The following LYPLAL1 variants were observed in gnomAD, a reference collection of about 807,000 sequenced individuals.
LYPLAL1 encodes lysophospholipase like 1.
A neutral mutation model predicts 19.7 loss-of-function variants in LYPLAL1; 23 were observed. The observed-to-expected ratio is 1.17, with a 90% CI of 0.84 to 1.65. The LOEUF is 1.65. Among genes scored for constraint, LYPLAL1 ranks in the 40% most tolerant of loss-of-function variants. The pLI, the probability that LYPLAL1 is intolerant of heterozygous loss-of-function variation, is 0.00. For synonymous variants in LYPLAL1, 119 were observed against 96.3 expected, an observed-to-expected ratio of 1.24 and a Z score of -1.38; for missense variants, 355 against 279.4, an observed-to-expected ratio of 1.27 and a Z score of -1.93.
chr1:219,377,540 A>G, the LYPLAL1 span, among the ~76,000 whole-genome samples: 6 of 152,180 alleles, frequency 3.9e-5, no homozygotes, highest in African/African-American at 1.4e-4. Context: ...ATACTTGAAC[A>G]ATTTTTAAAT....
the LYPLAL1 span, among the ~76,000 whole-genome samples, chr1:219,369,522 T>G: frequency 6.6e-6 from 1 of 152,230 alleles, no homozygotes; most frequent in Non-Finnish European, 1.5e-5. Context: ...TCCGCCTGCC[T>G]TAGCGTCCCA....
At chr1:219,382,318 T>C in the LYPLAL1 span, among the ~76,000 whole-genome samples, 1 of 152,154 alleles carries the variant, frequency 6.6e-6, no homozygotes, top group Non-Finnish European at 1.5e-5. Context: ...GAAGAAAAGC[T>C]TTTCCTCATT....
At chr1:219,327,956 A>T in the LYPLAL1 span, among the ~76,000 whole-genome samples, 62,603 of 151,980 alleles carry the variant, frequency 0.41, 13,494 homozygotes, top group East Asian at 0.81. Context: ...TTTATCAGCA[A>T]CATTGAAAAT....
chr1:219,257,153 T>A, the LYPLAL1 span, among the ~76,000 whole-genome samples: 1 of 152,008 alleles, frequency 6.6e-6, no homozygotes, highest in African/African-American at 2.4e-5. Context: ...TGTGTTAAAG[T>A]CTCTGCTATG....
the LYPLAL1 span, among the ~76,000 whole-genome samples, chr1:219,238,304 A>ATTTTTTTTTT: frequency 3.8e-4 from 31 of 81,878 alleles, 1 homozygote; most frequent in African/African-American, 8.4e-4. Context: ...CGCCCGGCTA[A>ATTTTTTTTTT]TTTTTTTTTT....
the LYPLAL1 span, among the ~76,000 whole-genome samples, chr1:219,441,427 G>T: frequency 6.6e-6 from 1 of 152,172 alleles, no homozygotes; most frequent in Non-Finnish European, 1.5e-5. Flanking sequence ...TGTGGAAATG[G>T]ATAGGGGTGC....
At chr1:219,316,079 A>G in the LYPLAL1 span, among the ~76,000 whole-genome samples, 1 of 152,196 alleles carries the variant, frequency 6.6e-6, no homozygotes, top group Non-Finnish European at 1.5e-5. Context: ...ATACGCTTAC[A>G]GGTTTTGATC....
At chr1:219,441,363 T>C in the LYPLAL1 span, among the ~76,000 whole-genome samples, 1 of 152,154 alleles carries the variant, frequency 6.6e-6, no homozygotes, top group African/African-American at 2.4e-5. Flanking sequence ...GAATTAACAT[T>C]TTACAGATGA....
chr1:219,282,128 T>G, the LYPLAL1 span, among the ~76,000 whole-genome samples: 1 of 152,072 alleles, frequency 6.6e-6, no homozygotes, highest in Non-Finnish European at 1.5e-5. Flanking sequence ...AATCATAATG[T>G]CCTCAAAGAT....
At chr1:219,341,878 C>G in the LYPLAL1 span, among the ~76,000 whole-genome samples, 3 of 152,032 alleles carry the variant, frequency 2.0e-5, no homozygotes, top group Non-Finnish European at 4.4e-5. Flanking sequence ...GACAGTTTCT[C>G]AATAAGGAGC....
the LYPLAL1 span, among the ~76,000 whole-genome samples, chr1:219,405,026 C>G: frequency 2.0e-5 from 3 of 152,200 alleles, no homozygotes; most frequent in Non-Finnish European, 4.4e-5. Context: ...TTTTATTAAT[C>G]TGTTAATCAT....
At chr1:219,314,129 C>G in the LYPLAL1 span, among the ~76,000 whole-genome samples, 12 of 152,180 alleles carry the variant, frequency 7.9e-5, no homozygotes, top group Admixed American at 7.2e-4. Flanking sequence ...GCCTCCAGCT[C>G]CAACCATGTT....
chr1:219,274,291 G>T, the LYPLAL1 span, among the ~76,000 whole-genome samples: 1 of 152,120 alleles, frequency 6.6e-6, no homozygotes, highest in African/African-American at 2.4e-5. Flanking sequence ...GTTCATCAGG[G>T]GTTAGAAGGC....
At chr1:219,315,704 A>G in the LYPLAL1 span, among the ~76,000 whole-genome samples, 1 of 152,188 alleles carries the variant, frequency 6.6e-6, no homozygotes, top group Non-Finnish European at 1.5e-5. Context: ...CAGGATATGA[A>G]CTGTTGGGAG....
chr1:219,208,935 A>G (rs1427614884), intron 3 of LYPLAL1, among the ~76,000 whole-genome samples: 1 of 152,128 alleles, frequency 6.6e-6, no homozygotes, highest in East Asian at 1.9e-4. Context: ...TAAATGGGAC[A>G]TGTCAAAGAT....
At chr1:219,408,542 AACTCAGTGGAG>A in the LYPLAL1 span, among the ~76,000 whole-genome samples, 1 of 152,136 alleles carries the variant, frequency 6.6e-6, no homozygotes, top group Non-Finnish European at 1.5e-5. Context: ...GGTAATTAAT[AACTCAGTGGAG>A]TGTTTTATAA....
the LYPLAL1 span, among the ~76,000 whole-genome samples, chr1:219,252,927 T>C: frequency 6.6e-6 from 1 of 152,056 alleles, no homozygotes; most frequent in Non-Finnish European, 1.5e-5. Flanking sequence ...CTTCGTTTGG[T>C]TGGTAGGCTA....
At chr1:219,327,821 CTT>C in the LYPLAL1 span, among the ~76,000 whole-genome samples, 2 of 152,120 alleles carry the variant, frequency 1.3e-5, no homozygotes, top group African/African-American at 4.8e-5. Context: ...CTCATTCTCT[CTT>C]TGCCTGCCAC....
chr1:219,210,994 A>G (rs1658991141), intron 4 of LYPLAL1, among the ~76,000 whole-genome samples: 1 of 152,156 alleles, frequency 6.6e-6, no homozygotes. Context: ...AACATAAAAC[A>G]AAAATCAATT....
Sources: allele counts gnomAD v4.1 joint callset (sites outside exome capture counted in the v4.1 genomes callset), GRCh38; gene constraint gnomAD v4.1.1; transcripts MANE v1.5; gene names NCBI Gene and HGNC (gene_info 2026-07-23, HGNC 2026-07-21).